Variants in ATAD3A observed in about 807,000 individuals in gnomAD.
ATAD3A encodes the protein ATPase family AAA domain containing 3A.
Under a neutral mutation model 73.8 loss-of-function variants are expected in ATAD3A, and 46 were observed. The observed-to-expected ratio is 0.62, with a 90% confidence interval of 0.49 to 0.80. The LOEUF is 0.80. ATAD3A is among the 30% of genes least tolerant of loss of function. The probability of loss-of-function intolerance (pLI) is 0.00; values close to 1 mark genes in which losing one functional copy is unlikely to be tolerated. For synonymous variants in ATAD3A, 319 were observed against 350.0 expected, an observed-to-expected ratio of 0.91 and a Z score of 0.99; for missense variants, 705 against 838.0, an observed-to-expected ratio of 0.84 and a Z score of 1.96.
chr1:1,520,325 C>G lies in ATAD3A; in HGVS notation c.680+19C>G. Reference sequence around the variant, plus strand: ...CCATCAGGTGAGCACTGCCGAGGCCCGGGCCGGCCACAGATGGAGCCCCGC... The same window carrying G: ...CCATCAGGTGAGCACTGCCGAGGCCGGGGCCGGCCACAGATGGAGCCCCGC... On this transcript the variant is annotated intron_variant, in intron 6 of 15. Coordinates refer to ENST00000378756, the MANE Select transcript of ATAD3A (RefSeq NM_001170535.3). The surrounding 1 kb of genome is among the most constrained non-coding windows in gnomAD (Gnocchi z 4.0). 1 of 1,606,834 alleles carries G rather than the reference C, an allele frequency of 6.2e-7. No homozygotes were observed. The highest frequency in any genetic ancestry group is 8.5e-7 in the Non-Finnish European group (1 of 1,174,866).
At chr1:1,515,251 A>G (rs1421874899) in intron 1 of ATAD3A, among the ~76,000 whole-genome samples, 1 of 151,844 alleles carries the variant, frequency 6.6e-6, no homozygotes, top group Non-Finnish European at 1.5e-5. Context: ...TAATTTTTGT[A>G]TATTTAGTAG....
At chr1:1,524,079 C>T (rs557141417) in intron 10 of ATAD3A, 115 bp downstream of exon 10, 30 of 1,584,174 alleles carry the variant, frequency 1.9e-5, no homozygotes, top group Non-Finnish European at 1.9e-5. Flanking sequence ...CTTTGCCCAC[C>T]CTCGTGTAGG....
In ATAD3A at chr1:1,520,930, G is replaced by C. The variant is rs1641569285; in HGVS notation, c.750+313G>C. On this transcript the variant is annotated intron_variant, in intron 7 of 15. Transcript: ENST00000378756. This position sits in a 1 kb window ranked among gnomAD's most constrained non-coding sequence, Gnocchi z 4.0. ...GAGGTAGGAGGATCACTTAAGCCCA[G>C]GGAGGTTGCAGCTGCACTGAGCTGA... Among the ~76,000 whole-genome samples the C allele has an allele frequency of 6.6e-6, 1 of 152,146 alleles. No individual in the cohort carries two copies. The highest frequency in any genetic ancestry group is 6.5e-5 in the Admixed American group (1 of 15,276).
intron 15 of ATAD3A, among the ~76,000 whole-genome samples, chr1:1,533,669 G>A (rs987185285): frequency 3.3e-5 from 5 of 152,062 alleles, no homozygotes; most frequent in African/African-American, 1.2e-4. Flanking sequence ...GTGAGGCTCC[G>A]CCTTGGGCTT....
rs924656780 is a variant in ATAD3A at position 1,523,168 on chromosome 1, C to T, written c.906+269C>T. On this transcript the variant is annotated intron_variant, in intron 8 of 15. Coordinates refer to ENST00000378756, the MANE Select transcript of ATAD3A (RefSeq NM_001170535.3). This position sits in a 1 kb window ranked among gnomAD's most constrained non-coding sequence, Gnocchi z 5.1. The stretch of plus-strand genomic sequence containing the variant: ...ATCGGGGTCCTTGCAAGACCCGGGA[C>T]TTGGGTGTGCGGCCGTCTATCAGGG... Among the ~76,000 whole-genome samples the T allele has an allele frequency of 4.3e-4, 66 of 152,110 alleles. No homozygotes were observed. The highest frequency in any genetic ancestry group is 7.9e-4 in the Non-Finnish European group (54 of 67,996).
intron 13 of ATAD3A, chr1:1,527,225 C>T (rs748184886): frequency 1.5e-5 from 19 of 1,300,572 alleles, no homozygotes; most frequent in South Asian, 8.7e-5. Flanking sequence ...TCCTCAGGCA[C>T]GTTGGGCTCC....
At chr1:1,512,980 C>G (rs1413596085) in intron 1 of ATAD3A, among the ~76,000 whole-genome samples, 1 of 152,226 alleles carries the variant, frequency 6.6e-6, no homozygotes, top group South Asian at 2.1e-4. Context: ...TCTGTGAAGC[C>G]ACAGGCCAGG....
chr1:1,521,032 A>G (rs979872529), intron 7 of ATAD3A, among the ~76,000 whole-genome samples: 7 of 151,972 alleles, frequency 4.6e-5, no homozygotes, highest in Non-Finnish European at 8.8e-5. Context: ...CGTGGCTCAC[A>G]CCTGTAATCC....
intron 5 of ATAD3A, among the ~76,000 whole-genome samples, chr1:1,519,516 C>T (rs1400948611): frequency 1.6e-5 from 1 of 63,606 alleles, no homozygotes; most frequent in Non-Finnish European, 3.2e-5. Flanking sequence ...GCGTGAGCCT[C>T]TGCGTTCTGC....
rs1184579206 is a variant in ATAD3A, at chr1:1,523,069, C to G, written c.906+170C>G. 6.6e-6 allele frequency among the ~76,000 whole-genome samples: 1 copy of G among 151,900 alleles called. No homozygotes were observed. The highest frequency in any genetic ancestry group is 2.4e-5 in the African/African-American group (1 of 41,222). On this transcript the variant is annotated intron_variant, in intron 8 of 15. Transcript: ENST00000378756. The surrounding 1 kb of genome is among the most constrained non-coding windows in gnomAD (Gnocchi z 5.1). The stretch of plus-strand genomic sequence containing the variant: ...CTGTCTGGCGCTGTACCTTAGGGGT[C>G]TGCATCAGTGAGACCCTTCCCCTGT...
chr1:1,527,465 C>G (rs1274006952), intron 13 of ATAD3A, among the ~76,000 whole-genome samples: 2 of 152,242 alleles, frequency 1.3e-5, no homozygotes, highest in Non-Finnish European at 2.9e-5. Context: ...GCCTATCAGG[C>G]TGGGCGAGGG....
rs1200262501 is a variant in ATAD3A, at chr1:1,534,140, C to G, written c.*68C>G. The stretch of plus-strand genomic sequence containing the variant: ...CCCTCCCACCCCTGCCTTGCCGGCC[C>G]CTGCACATTTAGGATATGCTCCTGG... On this transcript the variant is annotated 3_prime_UTR_variant, in exon 16 of 16. Coordinates refer to ENST00000378756, the MANE Select transcript of ATAD3A (RefSeq NM_001170535.3). 6.2e-7 allele frequency: 1 copy of G among 1,607,280 alleles called. No individual in the cohort carries two copies. The highest frequency in any genetic ancestry group is 1.1e-5 in the South Asian group (1 of 90,772).
At chr1:1,518,687 A>ACC (rs1400687032) in intron 4 of ATAD3A, among the ~76,000 whole-genome samples, 9 of 78,126 alleles carry the variant, frequency 1.2e-4, no homozygotes, top group South Asian at 9.6e-4. Context: ...ACACACACAC[A>ACC]CACCCAAACG....
At position 1,522,843 on chromosome 1, in the gene ATAD3A, C is replaced by T. The variant is rs1211940456; in HGVS notation, c.850C>T (p.Leu284=). Reference sequence around the variant, plus strand: ...CGAGGCTCGGCTGGGGAAGCCGTCCCTAGTGAGGGAGACGTCCCGCATCAC... The same window carrying T: ...CGAGGCTCGGCTGGGGAAGCCGTCCTTAGTGAGGGAGACGTCCCGCATCAC... ...FIEARLGKPS[L]VRETSRITVL... Residue 284 remains leucine, a synonymous_variant, in exon 8 of 16, where the codon CTA becomes TTA. Transcript: ENST00000378756. The T allele has an allele frequency of 6.2e-7, 1 of 1,610,554 alleles. No individual in the cohort carries two copies. The highest frequency in any genetic ancestry group is 8.5e-7 in the Non-Finnish European group (1 of 1,179,736).
At position 1,530,595 on chromosome 1, in the gene ATAD3A, C is replaced by T. The variant is rs542860097; in HGVS notation, c.1614+1264C>T. Reference sequence around the variant, plus strand: ...CTGTAATCCCAGCACTTTGGGAGGCCGAGGCGGGCGGATCACGAGGTCAGG... The same window carrying T: ...CTGTAATCCCAGCACTTTGGGAGGCTGAGGCGGGCGGATCACGAGGTCAGG... On this transcript the variant is annotated intron_variant, in intron 15 of 15. Coordinates refer to ENST00000378756, the MANE Select transcript of ATAD3A (RefSeq NM_001170535.3). Among the ~76,000 whole-genome samples the T allele has an allele frequency of 3.2e-3, 341 of 107,952 alleles. 2 individuals are homozygous for T. Among genetic ancestry groups the T allele is most frequent in the African/African-American group, 0.016 (195 of 11,874 alleles). 70.8% of individuals were successfully genotyped at this position (107,952 alleles called of 152,430 possible).
Position 1,534,182 on chromosome 1 carries a change from G to A in ATAD3A, c.*110G>A, listed in dbSNP as rs1272442447. ...TGCTCCTGGGTGGGGACTGGGCTGT[G>A]CCCAGGGCCTCTGTCCCCCAGGATG... On this transcript the variant is annotated 3_prime_UTR_variant, in exon 16 of 16. Transcript: ENST00000378756. 38 of 1,573,044 alleles carry A rather than the reference G, an allele frequency of 2.4e-5. No homozygotes were observed. Among genetic ancestry groups the A allele is most frequent in the South Asian group, 6.9e-5 (6 of 86,590 alleles).
At chr1:1,512,954 C>T (rs1442120909) in intron 1 of ATAD3A, among the ~76,000 whole-genome samples, 1 of 152,220 alleles carries the variant, frequency 6.6e-6, no homozygotes, top group South Asian at 2.1e-4. Context: ...AAGACGTTAG[C>T]ATTTGCACGG....
intron 10 of ATAD3A, 142 bp from the exon 11 acceptor site, chr1:1,524,131 G>A: frequency 6.5e-7 from 1 of 1,538,392 alleles, no homozygotes; most frequent in Non-Finnish European, 8.8e-7. Context: ...CCATCTTCCA[G>A]GCGGGGGACG....
intron 15 of ATAD3A, among the ~76,000 whole-genome samples, chr1:1,533,225 C>T (rs1188655822): frequency 1.3e-5 from 2 of 152,206 alleles, no homozygotes; most frequent in South Asian, 2.1e-4. Context: ...CTGGTGCGCT[C>T]CTGAGCACGG....
Sources: gnomAD v4.1 joint callset for allele counts (sites outside exome capture counted in the v4.1 genomes callset) on GRCh38, gnomAD v4.1.1 for gene constraint, Gnocchi (gnomAD v3.1) non-coding constraint, MANE v1.5 for transcripts, NCBI Gene and HGNC (gene_info 2026-07-23, HGNC 2026-07-21) for gene names.